COL20A1: variants seen among roughly 807,000 people sequenced by gnomAD.
COL20A1 encodes the protein collagen alpha-1(XX) chain.
A neutral mutation model predicts 152.9 loss-of-function variants in COL20A1; 164 were observed. The observed-to-expected ratio is 1.07, with a 90% CI of 0.94 to 1.22. COL20A1 has a LOEUF of 1.22. Among genes scored for constraint, COL20A1 ranks in the 50% most tolerant of loss-of-function variants. COL20A1 has a pLI of 0.00. For synonymous variants in COL20A1, 864 were observed against 756.0 expected, an observed-to-expected ratio of 1.14 and a Z score of -2.34; for missense variants, 1,873 against 1,744.8, an observed-to-expected ratio of 1.07 and a Z score of -1.31.
rs574738531 is a variant in COL20A1, at chr20:63,313,269, C to T, written c.2209+20C>T. On this transcript the variant is annotated intron_variant, in intron 17 of 35. Transcript: ENST00000358894. This position sits in a 1 kb window ranked among gnomAD's most constrained non-coding sequence, Gnocchi z 5.9. ...CCCCCTGTAGGTGCCCCTCCACTTCCCCTCTGCTGGGTGTGGGGCAGGGAT... is the reference window on the plus strand; with the variant it reads ...CCCCCTGTAGGTGCCCCTCCACTTCTCCTCTGCTGGGTGTGGGGCAGGGAT... 7.5e-6 allele frequency: 12 copies of T among 1,598,066 alleles called. No individual in the cohort carries two copies. Among genetic ancestry groups the T allele is most frequent in the South Asian group, 3.4e-5 (3 of 89,366 alleles).
intron 26 of COL20A1, 49 bp from the exon 27 acceptor site, chr20:63,322,009 A>C: frequency 2.1e-6 from 3 of 1,457,346 alleles, no homozygotes; most frequent in Non-Finnish European, 2.8e-6. Flanking sequence ...TTGCTCCTCT[A>C]CCTTGGTTGG....
At chr20:63,301,576 A>G (rs1332711113) in intron 3 of COL20A1, among the ~76,000 whole-genome samples, 1 of 152,174 alleles carries the variant, frequency 6.6e-6, no homozygotes, top group Non-Finnish European at 1.5e-5. Context: ...TCTTTGCTTT[A>G]TGCATGAGGC....
intron 26 of COL20A1, 46 bp from the exon 27 acceptor site, chr20:63,322,012 T>A (rs1449411293): frequency 3.4e-6 from 5 of 1,481,424 alleles, no homozygotes; most frequent in Non-Finnish European, 4.5e-6. Flanking sequence ...CTCCTCTACC[T>A]TGGTTGGGTA....
Position 63,305,299 on chromosome 20 carries a change from G to C in COL20A1, c.194-118G>C. 1 of 767,966 alleles carries C rather than the reference G, an allele frequency of 1.3e-6. No individual in the cohort carries two copies. Among genetic ancestry groups the C allele is most frequent in the East Asian group, 3.3e-5 (1 of 30,216 alleles). The allele number at this position is 767,966 out of a possible 1,614,324, so 47.6% of individuals were successfully genotyped here. On this transcript the variant is annotated intron_variant, in intron 3 of 35. Coordinates refer to ENST00000358894, the MANE Select transcript of COL20A1 (RefSeq NM_020882.4). The surrounding 1 kb of genome is among the most constrained non-coding windows in gnomAD (Gnocchi z 4.9). ...AGACCCTCTCCCTTTCTGTCTCTCT[G>C]GCTTCAAGGGGAGCAGCTGGGGTGG...
Position 63,319,574 on chromosome 20 carries a change from T to G in COL20A1, c.2894T>G (p.Ile965Ser), listed in dbSNP as rs370480252. The change falls in exon 23 of 36, where the codon ATT becomes AGT. Residue 965 changes from isoleucine (I) to serine (S), a missense_variant. Ile to Ser is a moderately radical substitution (Grantham distance 142, BLOSUM62 -2). Coordinates refer to ENST00000358894, the MANE Select transcript of COL20A1 (RefSeq NM_020882.4). The surrounding 1 kb of genome is among the most constrained non-coding windows in gnomAD (Gnocchi z 4.4). The stretch of plus-strand genomic sequence containing the variant: ...TTCGACCCGCAGGAAGTGAGGAAGA[T>G]TTTCTTCGGGAGCTTCCACAAGGTC... ...ATFDPQEVRK[I>S]FFGSFHKVHV... is the part of the protein sequence containing the mutation. 3.8e-6 allele frequency: 6 copies of G among 1,587,704 alleles called. No homozygotes were observed. The highest frequency in any genetic ancestry group is 4.3e-6 in the Non-Finnish European group (5 of 1,167,822).
intron 19 of COL20A1, among the ~76,000 whole-genome samples, chr20:63,314,899 A>G (rs2068065241): frequency 6.7e-6 from 1 of 150,072 alleles, no homozygotes; most frequent in Non-Finnish European, 1.5e-5. Context: ...CACACCAGGC[A>G]TCTCCCTGGC....
Position 63,312,809 on chromosome 20 carries a change from AG to A in COL20A1, c.1952del (p.Ser651ThrfsTer5). ...RVTTKKAPSP[S>X]QLSMTELPGD... is the part of the protein sequence containing the mutation. ...TCCTTCAGAGAAAGCTCCCAGCCCAAGCCAGCTGTCCATGACGGAGCTGCCA... is the reference window on the plus strand; with the variant it reads ...TCCTTCAGAGAAAGCTCCCAGCCCAACCAGCTGTCCATGACGGAGCTGCCA... On this transcript the variant is annotated frameshift_variant, in exon 16 of 36. Coordinates refer to ENST00000358894, the MANE Select transcript of COL20A1 (RefSeq NM_020882.4). LOFTEE classifies it high-confidence loss of function. 1 of 1,553,444 alleles carries A rather than the reference AG, an allele frequency of 6.4e-7. No individual in the cohort carries two copies. Among genetic ancestry groups the A allele is most frequent in the East Asian group, 2.4e-5 (1 of 41,614 alleles).
chr20:63,301,409 G>A (rs1008017739), intron 3 of COL20A1, among the ~76,000 whole-genome samples: 7 of 152,292 alleles, frequency 4.6e-5, no homozygotes, highest in Middle Eastern at 6.8e-3. Context: ...CAGTTGTTGG[G>A]TAGAGTTTTC....
intron 35 of COL20A1, among the ~76,000 whole-genome samples, chr20:63,329,910 G>GGGGTCAC (rs1239134311): frequency 1.3e-5 from 2 of 152,310 alleles, no homozygotes; most frequent in East Asian, 3.9e-4. Context: ...TGGGGTTCCG[G>GGGGTCAC]AGATGGATTG....
chr20:63,327,897 A>C, intron 31 of COL20A1, 55 bp from the exon 32 acceptor site: 1 of 1,539,452 alleles, frequency 6.5e-7, no homozygotes, highest in Admixed American at 1.9e-5. Context: ...CACACTTGTC[A>C]CGTGTGGTCT....
At chr20:63,322,201 G>A in intron 27 of COL20A1, 90 bp downstream of exon 27, 1 of 1,085,930 alleles carries the variant, frequency 9.2e-7, no homozygotes, top group Non-Finnish European at 1.3e-6. Flanking sequence ...GAGAGTGCAG[G>A]GAGCTGCACG....
chr20:63,316,419 G>A (rs191993231), intron 20 of COL20A1, 134 bp from the exon 21 acceptor site: 57 of 134,282 alleles, frequency 4.2e-4, no homozygotes, highest in African/African-American at 1.8e-3. Flanking sequence ...TCCCACCCAC[G>A]CCGCTCCGTC....
intron 11 of COL20A1, 148 bp downstream of exon 11, chr20:63,310,658 C>A: frequency 2.2e-6 from 2 of 902,408 alleles, no homozygotes; most frequent in African/African-American, 1.7e-5. Context: ...TGCTGTGTGA[C>A]CAAGGCCGAG....
intron 20 of COL20A1, 100 bp downstream of exon 20, chr20:63,315,539 G>C (rs777416972): frequency 3.1e-5 from 35 of 1,116,760 alleles, no homozygotes; most frequent in Non-Finnish European, 4.4e-5. Context: ...CCCAGTGGTG[G>C]TGCAGTTGGA....
chr20:63,325,352 C>G (rs1319253278), intron 27 of COL20A1, 89 bp from the exon 28 acceptor site: 2 of 1,015,976 alleles, frequency 2.0e-6, no homozygotes, highest in Middle Eastern at 4.3e-4. Flanking sequence ...GCCGTGCAGT[C>G]CAGGGGCCTG....
Position 63,305,535 on chromosome 20 carries a change from C to T in COL20A1, c.312C>T (p.Phe104=). The change falls in exon 4 of 36, where the codon TTC becomes TTT. Residue 104 remains phenylalanine (F), a synonymous_variant. Coordinates refer to ENST00000358894, the MANE Select transcript of COL20A1 (RefSeq NM_020882.4). This position sits in a 1 kb window ranked among gnomAD's most constrained non-coding sequence, Gnocchi z 4.9. ...QIFELTGSGR[F]LLARREFVIE... ...TCGAGCTCACTGGCTCTGGGCGCTT[C>T]CTGCTAGCTCGGAGGGAGTTTGTGA... is the stretch of plus-strand genomic sequence containing the variant. 5 of 1,603,638 alleles carry T rather than the reference C, an allele frequency of 3.1e-6. No individual in the cohort carries two copies. Among genetic ancestry groups the T allele is most frequent in the Non-Finnish European group, 4.3e-6 (5 of 1,175,926 alleles).
rs1321919919 is a variant in COL20A1, at chr20:63,325,455, C to G, written c.3309C>G (p.Val1103=). The change falls in exon 28 of 36, where the codon GTC becomes GTG. Residue 1103 remains valine (V), a synonymous_variant. Coordinates refer to ENST00000358894, the MANE Select transcript of COL20A1 (RefSeq NM_020882.4). ...GFPGPRGPPG[V]KGEKGDHGLP... ...TCCCCCTCCAGGGTCCACCAGGGGT[C>G]AAAGGAGAGAAGGGAGACCATGGGC... The G allele has an allele frequency of 1.2e-6, 2 of 1,612,662 alleles. No individual in the cohort carries two copies. The highest frequency in any genetic ancestry group is 2.7e-5 in the African/African-American group (2 of 75,016).
At chr20:63,304,344 TGC>T (rs1378815876) in intron 3 of COL20A1, among the ~76,000 whole-genome samples, 3 of 125,384 alleles carry the variant, frequency 2.4e-5, no homozygotes, top group Admixed American at 7.7e-5. Flanking sequence ...TCCCTGCAGG[TGC>T]GCAGGTGTGG....
Position 63,308,016 on chromosome 20 carries a change from A to G in COL20A1, c.701A>G (p.Asn234Ser), listed in dbSNP as rs773374997. ...GATGCTCAGACTGAGTGGGACCTGA[A>G]CTCCCTCAGCACCAAGGAACAGGTG... ...SGDAQTEWDL[N>S]SLSTKEQVLA... Residue 234 changes from asparagine to serine, a missense_variant, in exon 7 of 36, where the codon AAC (asparagine) becomes AGC (serine). Physicochemically the swap from Asn to Ser is conservative, Grantham distance 46. Coordinates refer to ENST00000358894, the MANE Select transcript of COL20A1 (RefSeq NM_020882.4). The G allele has an allele frequency of 1.2e-6, 2 of 1,612,222 alleles. No individual in the cohort carries two copies. Among genetic ancestry groups the G allele is most frequent in the East Asian group, 2.2e-5 (1 of 44,848 alleles).
Sources: allele counts gnomAD v4.1 joint callset (sites outside exome capture counted in the v4.1 genomes callset), GRCh38; gene constraint gnomAD v4.1.1; non-coding constraint Gnocchi (gnomAD v3.1); transcripts MANE v1.5; gene names NCBI Gene and HGNC (gene_info 2026-07-23, HGNC 2026-07-21).